Variants in RBMS1 observed in about 807,000 individuals in gnomAD.
RBMS1 encodes RNA binding motif single stranded interacting protein 1, also known as RNA-binding motif, single-stranded-interacting protein 1.
In RBMS1, 17 loss-of-function variants were observed where a neutral mutation model predicts 62.3. The observed-to-expected ratio is 0.27, with a 90% CI of 0.19 to 0.41. RBMS1 has a LOEUF of 0.41. RBMS1 is among the 10% of genes least tolerant of loss of function. RBMS1 has a pLI of 1.00. For synonymous variants in RBMS1, 172 were observed against 170.0 expected (o/e 1.01, Z -0.09); for missense variants, 334 against 504.5 (o/e 0.66, Z 3.24).
In RBMS1 at chr2:160,310,487, C is replaced by T. The variant is rs987037711; in HGVS notation, c.402+2669G>A. On this transcript the variant is annotated intron_variant, in intron 4 of 13. Coordinates refer to ENST00000348849, the MANE Select transcript of RBMS1 (RefSeq NM_016836.4). ...GAAAATGTATTGAAACATATGTACG[C>T]TTCATGGAGTTTGGCTATGAAAAAT... Among the ~76,000 whole-genome samples, 3 of 152,180 alleles carry T rather than the reference C, an allele frequency of 2.0e-5. No homozygotes were observed. In the South Asian group the frequency reaches 6.2e-4, roughly 32 times the overall value.
At chr2:160,472,206 G>A (rs1684948621) in intron 1 of RBMS1, among the ~76,000 whole-genome samples, 5 of 152,110 alleles carry the variant, frequency 3.3e-5, no homozygotes, top group Admixed American at 6.5e-5. Context: ...TTTTATTCTG[G>A]TGTTGATGTA....
At chr2:160,470,628 A>C (rs1313629277) in intron 1 of RBMS1, among the ~76,000 whole-genome samples, 1 of 134,718 alleles carries the variant, frequency 7.4e-6, no homozygotes, top group Non-Finnish European at 1.7e-5. Context: ...CCTGGACAGA[A>C]ATTAGGTCTA....
intron 1 of RBMS1, among the ~76,000 whole-genome samples, chr2:160,406,291 C>CGCTA (rs1695702796): frequency 6.6e-6 from 1 of 152,122 alleles, no homozygotes; most frequent in African/African-American, 2.4e-5. Context: ...AATACACTTA[C>CGCTA]GCTAGGACAT....
intron 5 of RBMS1, chr2:160,302,935 C>T (rs1315448067): frequency 6.3e-6 from 1 of 159,790 alleles, no homozygotes; most frequent in East Asian, 1.8e-4. Context: ...CATTTTAAAA[C>T]CTAACTCATT....
chr2:160,285,009 A>G lies in RBMS1; in HGVS notation c.792T>C (p.Ala264=), dbSNP rs752868343. The G allele has an allele frequency of 3.1e-6, 5 of 1,613,266 alleles. No homozygotes were observed. The African/African-American group carries it at 6.7e-5, about 22-fold the overall frequency. Reference sequence around the variant, plus strand: ...TAACGACATACCCGTTCTGTATAGCAGCTGTAGTTGGGTCGTAAGTAAGTG... The same window carrying G: ...TAACGACATACCCGTTCTGTATAGCGGCTGTAGTTGGGTCGTAAGTAAGTG... ...GMTLTYDPTT[A]AIQNGFYPSP... is the part of the protein sequence containing the mutation. Residue 264 remains alanine, a synonymous_variant, in exon 8 of 14, where the codon GCT becomes GCC. Transcript: ENST00000348849.
chr2:160,406,897 C>T (rs926869483), intron 1 of RBMS1, among the ~76,000 whole-genome samples: 2 of 152,160 alleles, frequency 1.3e-5, no homozygotes, highest in Non-Finnish European at 2.9e-5. Flanking sequence ...TCTTCTGCAA[C>T]TAGGATGTCA....
chr2:160,321,230 C>T (rs572251272), intron 2 of RBMS1, among the ~76,000 whole-genome samples: 6 of 152,298 alleles, frequency 3.9e-5, no homozygotes, highest in South Asian at 2.1e-4. Flanking sequence ...TTGTTTGCTA[C>T]ATCTGGCATG....
At chr2:160,454,428 A>G (rs1468453969) in intron 1 of RBMS1, among the ~76,000 whole-genome samples, 1 of 152,248 alleles carries the variant, frequency 6.6e-6, no homozygotes, top group African/African-American at 2.4e-5. Flanking sequence ...CCATATAAAG[A>G]AAGAACAGGA....
Position 160,336,576 on chromosome 2 carries a change from C to T in RBMS1, c.252-18349G>A, listed in dbSNP as rs76822959. On this transcript the variant is annotated intron_variant, in intron 2 of 13. Transcript: ENST00000348849. The stretch of plus-strand genomic sequence containing the variant: ...GCTGACATTTGTAATTTAAAATTTT[C>T]TAGCAACCACATTAAAAAAACAGAT... Among the ~76,000 whole-genome samples the T allele has an allele frequency of 1.4e-3, 219 of 152,172 alleles. 4 individuals carry two copies. The East Asian group carries it at 0.037, about 26-fold the overall frequency.
chr2:160,437,509 C>T (rs1255029460), intron 1 of RBMS1, among the ~76,000 whole-genome samples: 1 of 152,212 alleles, frequency 6.6e-6, no homozygotes, highest in Non-Finnish European at 1.5e-5. Flanking sequence ...TTCATCTTTC[C>T]ATCAGTAACA....
intron 4 of RBMS1, among the ~76,000 whole-genome samples, chr2:160,312,653 T>A (rs929758350): frequency 6.6e-6 from 1 of 152,152 alleles, no homozygotes; most frequent in African/African-American, 2.4e-5. Context: ...ACAGTAAAAA[T>A]AGCATCTGTA....
At chr2:160,295,503 G>T (rs982704420) in intron 6 of RBMS1, among the ~76,000 whole-genome samples, 2 of 152,166 alleles carry the variant, frequency 1.3e-5, no homozygotes, top group Non-Finnish European at 2.9e-5. Flanking sequence ...CTGCAGTAAC[G>T]CTCTCAATGT....
chr2:160,315,734 G>A (rs1559368551), intron 3 of RBMS1, among the ~76,000 whole-genome samples: 1 of 152,130 alleles, frequency 6.6e-6, no homozygotes, highest in Non-Finnish European at 1.5e-5. Flanking sequence ...AATCTTTTGT[G>A]AGCTTTTCTT....
intron 3 of RBMS1, 47 bp downstream of exon 3, chr2:160,318,122 T>C (rs367969371): frequency 1.2e-4 from 187 of 1,568,578 alleles, no homozygotes; most frequent in Non-Finnish European, 1.5e-4. Flanking sequence ...AATTCCATCA[T>C]TTTTCTAAAG....
At chr2:160,368,409 A>G (rs1475996012) in intron 1 of RBMS1, among the ~76,000 whole-genome samples, 1 of 152,172 alleles carries the variant, frequency 6.6e-6, no homozygotes, top group East Asian at 1.9e-4. Flanking sequence ...TTCAAATCTC[A>G]TGGCTTGGTT....
chr2:160,356,440 G>T (rs1421156065), intron 2 of RBMS1, among the ~76,000 whole-genome samples: 4 of 152,088 alleles, frequency 2.6e-5, no homozygotes, highest in African/African-American at 9.7e-5. Flanking sequence ...TGGTGCTGAT[G>T]AGGAAGCAAG....
At chr2:160,308,411 A>T (rs924999402) in intron 4 of RBMS1, among the ~76,000 whole-genome samples, 3 of 151,916 alleles carry the variant, frequency 2.0e-5, no homozygotes, top group African/African-American at 7.3e-5. Flanking sequence ...ACAAAACAAA[A>T]CAAAACAAAA....
Position 160,324,080 on chromosome 2 carries a change from T to A in RBMS1, c.252-5853A>T, listed in dbSNP as rs368033479. Among the ~76,000 whole-genome samples, 14 of 152,354 alleles carry A rather than the reference T, an allele frequency of 9.2e-5. No homozygotes were observed. The East Asian group carries it at 2.3e-3, about 25-fold the overall frequency. On this transcript the variant is annotated intron_variant, in intron 2 of 13. Coordinates refer to ENST00000348849, the MANE Select transcript of RBMS1 (RefSeq NM_016836.4). ...CTCCTAAATTCTACCTTTTTGGTAATTTATATTACAAAAGAAACACAAGCT... is the reference window on the plus strand; with the variant it reads ...CTCCTAAATTCTACCTTTTTGGTAAATTATATTACAAAAGAAACACAAGCT...
At chr2:160,275,040 C>A (rs1280592019) in intron 13 of RBMS1, among the ~76,000 whole-genome samples, 1 of 152,090 alleles carries the variant, frequency 6.6e-6, no homozygotes, top group South Asian at 2.1e-4. Context: ...CATGTTATCA[C>A]CAGGGCAATC....
Sources: gnomAD v4.1 joint callset for allele counts (sites outside exome capture counted in the v4.1 genomes callset) on GRCh38, gnomAD v4.1.1 for gene constraint, MANE v1.5 for transcripts, NCBI Gene and HGNC (gene_info 2026-07-23, HGNC 2026-07-21) for gene names.